The following EML1 variants were observed in gnomAD, a reference collection of about 807,000 sequenced individuals.
EML1 encodes the protein EMAP like 1.
In EML1, 27 loss-of-function variants were observed where a neutral mutation model predicts 110.4. That is an observed-to-expected ratio of 0.24 (90% CI 0.18 to 0.34). The LOEUF (loss-of-function observed/expected upper bound fraction) is 0.34. Ranked by LOEUF, EML1 falls within the 10% of genes least tolerant of loss-of-function variation. The pLI, the probability that EML1 is intolerant of heterozygous loss-of-function variation, is 1.00. For synonymous variants in EML1, 344 were observed against 385.8 expected, an observed-to-expected ratio of 0.89 and a Z score of 1.27; for missense variants, 741 against 1,030.9, an observed-to-expected ratio of 0.72 and a Z score of 3.85.
intron 2 of EML1, among the ~76,000 whole-genome samples, chr14:99,863,030 G>A: frequency 6.6e-6 from 1 of 152,154 alleles, no homozygotes; most frequent in Admixed American, 6.5e-5. Flanking sequence ...AGTGGCACAT[G>A]GTTCATTCCC....
chr14:99,816,985 A>G lies in EML1; in HGVS notation c.67+23442A>G, dbSNP rs757238790. ...CAAATGTGACATATTTCATTATACA[A>G]TATCAAAAAAGCACATGGGTTAATA... is the stretch of plus-strand genomic sequence containing the variant. On this transcript the variant is annotated intron_variant, in intron 1 of 21. Coordinates refer to ENST00000262233, the MANE Select transcript of EML1 (RefSeq NM_004434.3). Among the ~76,000 whole-genome samples the G allele has an allele frequency of 6.6e-5, 10 of 152,334 alleles. No homozygotes were observed. In the East Asian group the frequency reaches 7.7e-4, roughly 12 times the overall value.
At chr14:99,871,725 C>T (rs889423750) in intron 3 of EML1, among the ~76,000 whole-genome samples, 23 of 152,142 alleles carry the variant, frequency 1.5e-4, no homozygotes, top group African/African-American at 5.6e-4. Flanking sequence ...TGAGTTGCTA[C>T]GATCTCCTGA....
intron 1 of EML1, among the ~76,000 whole-genome samples, chr14:99,801,429 C>G (rs1313868580): frequency 1.3e-5 from 2 of 152,140 alleles, no homozygotes; most frequent in African/African-American, 4.8e-5. Context: ...TCCTGGCTAA[C>G]ACGGTGAAAC....
chr14:99,889,146 G>C (rs928639414), intron 4 of EML1, among the ~76,000 whole-genome samples: 1 of 152,216 alleles, frequency 6.6e-6, no homozygotes, highest in African/African-American at 2.4e-5. Context: ...AGCTGAGAGA[G>C]AGCCCTTTGA....
intron 1 of EML1, among the ~76,000 whole-genome samples, chr14:99,794,879 C>A (rs562910631): frequency 1.3e-5 from 2 of 152,284 alleles, no homozygotes; most frequent in South Asian, 4.1e-4. Context: ...AGTATAGAGT[C>A]ATGGGAACGG....
chr14:99,758,703 C>T (rs893638667), intron 1 of EML1, among the ~76,000 whole-genome samples: 6 of 152,188 alleles, frequency 3.9e-5, no homozygotes, highest in Admixed American at 6.5e-5. Flanking sequence ...AGCGGGTCCT[C>T]ATAAATTATG....
chr14:99,908,157 G>C (rs566081986), intron 10 of EML1, among the ~76,000 whole-genome samples: 1 of 152,210 alleles, frequency 6.6e-6, no homozygotes, highest in African/African-American at 2.4e-5. Context: ...GGCAGGGGCC[G>C]CCAGCACGGG....
chr14:99,808,921 A>G (rs1483929436), intron 1 of EML1, among the ~76,000 whole-genome samples: 3 of 152,186 alleles, frequency 2.0e-5, no homozygotes, highest in Non-Finnish European at 4.4e-5. Flanking sequence ...CTACTTTATC[A>G]TATTTATCTT....
In EML1 at chr14:99,758,055, C is replaced by T. The variant is rs186029219; in HGVS notation, c.28+20195C>T. On this transcript the variant is annotated intron_variant, in intron 1 of 10. Coordinates refer to the EML1 transcript ENST00000554479. ...CAGTAGCTTATTACTGTATTTCATC[C>T]GAACCCAGGGTCTCACTGACTGTAA... Among the ~76,000 whole-genome samples the T allele has an allele frequency of 2.6e-3, 394 of 152,240 alleles. 4 individuals carry two copies. Among genetic ancestry groups the T allele is most frequent in the African/African-American group, 9.1e-3 (377 of 41,542 alleles).
At chr14:99,833,173 A>G (rs1410241073) in intron 1 of EML1, among the ~76,000 whole-genome samples, 1 of 152,152 alleles carries the variant, frequency 6.6e-6, no homozygotes, top group African/African-American at 2.4e-5. Context: ...TTTTGAATTA[A>G]TTTTTGCATA....
At position 99,811,640 on chromosome 14, in the gene EML1, C is replaced by CAA. The variant is rs71113224; in HGVS notation, c.67+18117_67+18118dup. 2.1e-3 allele frequency among the ~76,000 whole-genome samples: 257 copies of CAA among 119,976 alleles called. 3 individuals carry two copies. The highest frequency in any genetic ancestry group is 5.4e-3 in the East Asian group (22 of 4,104). The allele number at this position is 119,976 out of a possible 152,430, so 78.7% of individuals were successfully genotyped here. ...CAACACGATAAAACCCTGTCTCTAC[C>CAA]AAAAAAAAAAAAAAAAAAAAATTAG... On this transcript the variant is annotated intron_variant, in intron 1 of 21. Transcript: ENST00000262233.
Position 99,856,739 on chromosome 14 carries a change from G to T in EML1, c.250+5704G>T, listed in dbSNP as rs1228388615. ...TAGTAGATGTTTGTAGTTTTTCAGA[G>T]ATTAAAAAAGACGTTTCAAATTTTG... On this transcript the variant is annotated intron_variant, in intron 2 of 21. Transcript: ENST00000262233. Among the ~76,000 whole-genome samples the T allele has an allele frequency of 2.0e-5, 3 of 152,124 alleles. No individual in the cohort carries two copies. In the East Asian group the frequency reaches 5.8e-4, roughly 29 times the overall value.
intron 1 of EML1, among the ~76,000 whole-genome samples, chr14:99,830,241 C>A (rs540538525): frequency 1.1e-4 from 16 of 152,226 alleles, no homozygotes; most frequent in Admixed American, 2.6e-4. Context: ...TCTGTAATGA[C>A]TAGTGATGTT....
chr14:99,894,086 T>G (rs2059633111), intron 5 of EML1, among the ~76,000 whole-genome samples: 1 of 152,230 alleles, frequency 6.6e-6, no homozygotes, highest in South Asian at 2.1e-4. Context: ...TTTTCCTTTC[T>G]GCATTGCATC....
rs537849783 is a variant in EML1, at chr14:99,753,672, C to T, written c.28+15812C>T. Among the ~76,000 whole-genome samples the T allele has an allele frequency of 3.9e-5, 6 of 152,236 alleles. No individual in the cohort carries two copies. In the South Asian group the frequency reaches 8.3e-4, roughly 21 times the overall value. On this transcript the variant is annotated intron_variant, in intron 1 of 10. Coordinates refer to the EML1 transcript ENST00000554479. ...GACGGTGAGCGTCTGAGGGCAGGGTCGGTGTCTGAGTCATCTCTACCCCAG... is the reference window on the plus strand; with the variant it reads ...GACGGTGAGCGTCTGAGGGCAGGGTTGGTGTCTGAGTCATCTCTACCCCAG...
intron 1 of EML1, among the ~76,000 whole-genome samples, chr14:99,804,834 A>G (rs1196671236): frequency 2.0e-5 from 3 of 152,106 alleles, no homozygotes; most frequent in African/African-American, 7.2e-5. Flanking sequence ...TTATCTCTGA[A>G]TTGCCCAGCA....
chr14:99,749,174 C>A (rs149974632), intron 1 of EML1, among the ~76,000 whole-genome samples: 113 of 152,338 alleles, frequency 7.4e-4, no homozygotes, highest in African/African-American at 2.5e-3. Context: ...TGGGTGCACA[C>A]CGGGAAGCGG....
intron 1 of EML1, among the ~76,000 whole-genome samples, chr14:99,800,588 T>C (rs2139682238): frequency 6.6e-6 from 1 of 152,272 alleles, no homozygotes; most frequent in East Asian, 1.9e-4. Flanking sequence ...GGTCTTGAAC[T>C]CTCCTCAAGA....
chr14:99,935,897 A>C, intron 17 of EML1, 132 bp from the exon 18 acceptor site: 2 of 835,774 alleles, frequency 2.4e-6, no homozygotes, highest in South Asian at 3.6e-5. Flanking sequence ...TGAAAAGCAG[A>C]TTTTTCTCTT....
Sources: allele counts gnomAD v4.1 joint callset (sites outside exome capture counted in the v4.1 genomes callset), GRCh38; gene constraint gnomAD v4.1.1; transcripts MANE v1.5; gene names NCBI Gene and HGNC (gene_info 2026-07-23, HGNC 2026-07-21).